The following C2CD3 variants were observed in gnomAD, a reference collection of about 807,000 sequenced individuals.
The protein encoded by C2CD3 is C2 domain-containing protein 3.
In C2CD3, 148 loss-of-function variants were observed where a neutral mutation model predicts 234.0. That is an observed-to-expected ratio of 0.63 (90% CI 0.55 to 0.72). The LOEUF (loss-of-function observed/expected upper bound fraction) is 0.72. Among genes scored for constraint, C2CD3 ranks in the 30% least tolerant of loss-of-function variants. C2CD3 has a pLI of 0.00. For synonymous variants in C2CD3, 1,000 were observed against 1,035.4 expected, an observed-to-expected ratio of 0.97 and a Z score of 0.66; for missense variants, 2,577 against 2,811.5, an observed-to-expected ratio of 0.92 and a Z score of 1.89.
chr11:74,144,641 C>T (rs941665654), intron 3 of C2CD3, among the ~76,000 whole-genome samples: 1 of 152,016 alleles, frequency 6.6e-6, no homozygotes, highest in African/African-American at 2.4e-5. Flanking sequence ...GTCTATTGTT[C>T]CTCTATTTCT....
Position 74,026,822 on chromosome 11 carries a change from G to T in C2CD3, c.6921+1465C>A, listed in dbSNP as rs141753212. Among the ~76,000 whole-genome samples, 681 of 152,048 alleles carry T rather than the reference G, an allele frequency of 4.5e-3. 16 individuals carry two copies. The highest frequency in any genetic ancestry group is 0.029 in the Admixed American group (443 of 15,258). On this transcript the variant is annotated intron_variant, in intron 32 of 32. Coordinates refer to ENST00000334126, the MANE Select transcript of C2CD3 (RefSeq NM_001286577.2). The stretch of plus-strand genomic sequence containing the variant: ...GTCTCTACTAAAAATACAAAAAGTA[G>T]CTGGGCATGGTAGTGGTGCACGCCT...
In C2CD3 at chr11:74,168,485, G is replaced by C; in HGVS notation, c.184C>G (p.Arg62Gly). ...GATGTTTCTCCCCACCATCTCACTCGGACAAGTACACAAGTGGGAGGCTTT... is the reference window on the plus strand; with the variant it reads ...GATGTTTCTCCCCACCATCTCACTCCGACAAGTACACAAGTGGGAGGCTTT... Reference protein sequence around the residue: ...IAKPPTCVLVRVRWWGETSDG... With the variant: ...IAKPPTCVLVGVRWWGETSDG... Residue 62 changes from arginine to glycine, a missense_variant, in exon 2 of 33, where the codon CGA becomes GGA. By Grantham distance (125) the Arg-to-Gly change is moderately radical (BLOSUM62 -2). Coordinates refer to ENST00000334126, the MANE Select transcript of C2CD3 (RefSeq NM_001286577.2). 1.2e-6 allele frequency: 2 copies of C among 1,614,100 alleles called. No homozygotes were observed. The highest frequency in any genetic ancestry group is 1.7e-6 in the Non-Finnish European group (2 of 1,180,000).
intron 26 of C2CD3, among the ~76,000 whole-genome samples, 187 bp downstream of exon 26, chr11:74,054,420 A>G (rs1953860528): frequency 6.7e-6 from 1 of 150,126 alleles, no homozygotes. Flanking sequence ...TTTTTTTCTT[A>G]CAGGAGAATA....
chr11:74,116,225 T>A (rs989571796), intron 9 of C2CD3, among the ~76,000 whole-genome samples: 3 of 152,056 alleles, frequency 2.0e-5, no homozygotes, highest in African/African-American at 7.2e-5. Context: ...AATCTATACA[T>A]CTGACAAAGG....
chr11:74,095,378 G>A lies in C2CD3; in HGVS notation c.3010C>T (p.His1004Tyr), dbSNP rs933190381. 6.2e-7 allele frequency: 1 copy of A among 1,613,018 alleles called. No individual in the cohort carries two copies. Among genetic ancestry groups the A allele is most frequent in the Non-Finnish European group, 8.5e-7 (1 of 1,179,436 alleles). The change falls in exon 17 of 33, where the codon CAC becomes TAC. Residue 1004 changes from histidine to tyrosine, a missense_variant. Coordinates refer to ENST00000334126, the MANE Select transcript of C2CD3 (RefSeq NM_001286577.2). ...ATCTCTATATGGATCTCAAAGCAGT[G>A]CTCCATCAGTCCATTTCCTCGGTCC... ...AEDRGNGLME[H>Y]CFEIHIEMVK...
intron 24 of C2CD3, among the ~76,000 whole-genome samples, chr11:74,057,942 G>C (rs1954036246): frequency 6.6e-6 from 1 of 151,754 alleles, no homozygotes; most frequent in African/African-American, 2.4e-5. Flanking sequence ...CTGGGGTACA[G>C]AGTGAGACCG....
intron 8 of C2CD3, among the ~76,000 whole-genome samples, chr11:74,119,799 C>G (rs1957151455): frequency 6.6e-6 from 1 of 151,958 alleles, no homozygotes; most frequent in South Asian, 2.1e-4. Context: ...CCATATCTGG[C>G]TAATTTTTGT....
chr11:74,033,815 T>C lies in C2CD3; in HGVS notation c.6345A>G (p.Pro2115=). 6.5e-7 allele frequency: 1 copy of C among 1,536,234 alleles called. No homozygotes were observed. The highest frequency in any genetic ancestry group is 8.7e-7 in the Non-Finnish European group (1 of 1,146,910). ...VQREGPSCPS[P]GPFCREELMV... ...TAAGCTCCTCTCTGCAGAAAGGCCC[T>C]GGAGAAGGACAAGAGGGGCCTTCCC... The change falls in exon 31 of 33, where the codon CCA becomes CCG. Residue 2115 remains proline (P), a synonymous_variant. Coordinates refer to ENST00000334126, the MANE Select transcript of C2CD3 (RefSeq NM_001286577.2).
At chr11:74,121,683 G>T (rs1211837006) in intron 8 of C2CD3, among the ~76,000 whole-genome samples, 1 of 149,572 alleles carries the variant, frequency 6.7e-6, no homozygotes, top group East Asian at 1.9e-4. Flanking sequence ...ATTAGTTTCA[G>T]CCATAAAAAC....
At chr11:74,098,663 T>C (rs1226223392) in intron 15 of C2CD3, among the ~76,000 whole-genome samples, 1 of 152,222 alleles carries the variant, frequency 6.6e-6, no homozygotes, top group Non-Finnish European at 1.5e-5. Context: ...ACTAAGTGCT[T>C]AGTATGTGCT....
intron 32 of C2CD3, among the ~76,000 whole-genome samples, chr11:74,015,660 G>A (rs1951852162): frequency 6.6e-6 from 1 of 152,144 alleles, no homozygotes; most frequent in Non-Finnish European, 1.5e-5. Context: ...CTAAAACCAG[G>A]CATTTGTTTC....
At chr11:74,028,897 T>C (rs559994053) in intron 31 of C2CD3, among the ~76,000 whole-genome samples, 24 of 152,270 alleles carry the variant, frequency 1.6e-4, no homozygotes, top group African/African-American at 5.8e-4. Context: ...GATGTGGGGA[T>C]TGGGATGTGG....
intron 29 of C2CD3, 29 bp from the exon 30 acceptor site, chr11:74,037,727 A>C (rs764336346): frequency 6.5e-7 from 1 of 1,536,216 alleles, no homozygotes; most frequent in Non-Finnish European, 9.0e-7. Context: ...GAAGAAGACA[A>C]AGGGGTAATT....
chr11:74,059,015 C>T (rs1954088215), intron 24 of C2CD3, among the ~76,000 whole-genome samples: 1 of 151,940 alleles, frequency 6.6e-6, no homozygotes, highest in Admixed American at 6.6e-5. Context: ...AAAATATAGA[C>T]TATATATTTC....
At chr11:74,098,557 T>C (rs756755367) in intron 15 of C2CD3, among the ~76,000 whole-genome samples, 8 of 152,204 alleles carry the variant, frequency 5.3e-5, no homozygotes, top group Admixed American at 1.3e-4. Flanking sequence ...CTAAACTGCA[T>C]TATTTTAAAG....
chr11:74,106,852 T>G (rs1956541772), intron 12 of C2CD3, among the ~76,000 whole-genome samples: 1 of 152,210 alleles, frequency 6.6e-6, no homozygotes, highest in Non-Finnish European at 1.5e-5. Flanking sequence ...TTGTAAAATT[T>G]AATATATCTA....
chr11:74,134,128 T>A (rs993164644), intron 5 of C2CD3, among the ~76,000 whole-genome samples: 2 of 152,172 alleles, frequency 1.3e-5, no homozygotes, highest in Non-Finnish European at 2.9e-5. Context: ...TTCTAAGTAT[T>A]TTAACGTGTA....
chr11:74,118,308 T>G lies in C2CD3; in HGVS notation c.1440A>C (p.Ser480=). ...CCTTAGATGATCTGGCAAGAGCTGT[T>G]GACTGGCTTATTTTTTTAGAAGGGA... ...DIVPSKKISQ[S]TALARSSKVL... Residue 480 remains serine, a synonymous_variant, in exon 9 of 33, where the codon TCA becomes TCC. Transcript: ENST00000334126. The G allele has an allele frequency of 6.2e-7, 1 of 1,613,354 alleles. No homozygotes were observed. The highest frequency in any genetic ancestry group is 1.1e-5 in the South Asian group (1 of 91,068).
intron 3 of C2CD3, among the ~76,000 whole-genome samples, chr11:74,153,767 G>A (rs138675646): frequency 1.3e-5 from 2 of 152,218 alleles, no homozygotes; most frequent in South Asian, 2.1e-4. Context: ...AGAGGGCTCA[G>A]AGTATCTTAT....
Sources: gnomAD v4.1 joint callset for allele counts (sites outside exome capture counted in the v4.1 genomes callset) on GRCh38, gnomAD v4.1.1 for gene constraint, MANE v1.5 for transcripts, NCBI Gene and HGNC (gene_info 2026-07-23, HGNC 2026-07-21) for gene names.